Variants in ENO4 observed in about 807,000 individuals in gnomAD.
ENO4 encodes the protein enolase 4, also known as 2-phospho-D-glycerate hydro-lyase.
In ENO4, 53 loss-of-function variants were observed where a neutral mutation model predicts 63.2. The observed-to-expected ratio is 0.84, with a 90% confidence interval of 0.67 to 1.05. ENO4 has a LOEUF of 1.05. Among genes scored for constraint, ENO4 ranks in the 50% least tolerant of loss-of-function variants. The pLI is 0.00. For missense variants in ENO4, 719 were observed against 772.0 expected, an observed-to-expected ratio of 0.93 and a Z score of 0.81; for synonymous variants, 266 against 283.8, an observed-to-expected ratio of 0.94 and a Z score of 0.63.
chr10:116,871,139 C>G lies in ENO4; in HGVS notation c.1062C>G (p.Gly354=). The G allele has an allele frequency of 6.5e-7, 1 of 1,550,386 alleles. No homozygotes were observed. ...TGATCTTGCAGCAGCAGATCACTGG[C>G]AAGATGTCTCATCTTGGCTGTTTAA... ...GSKRGQQQIT[G]KMSHLGCLTI... The change falls in exon 9 of 14, where the codon GGC becomes GGG. Residue 354 remains glycine (G), a synonymous_variant. Coordinates refer to ENST00000341276, the MANE Select transcript of ENO4 (RefSeq NM_001242699.2).
intron 8 of ENO4, among the ~76,000 whole-genome samples, chr10:116,870,484 TAAAAA>T (rs944692794): frequency 6.6e-6 from 1 of 151,292 alleles, no homozygotes; most frequent in African/African-American, 2.4e-5. Flanking sequence ...CTACAAAAAA[TAAAAA>T]AAATAGCCAG....
rs939525785 is a variant in ENO4, at chr10:116,855,682, C to T, written c.225C>T (p.Asp75=). The T allele has an allele frequency of 1.2e-5, 19 of 1,536,288 alleles. No homozygotes were observed. Among genetic ancestry groups the T allele is most frequent in the African/African-American group, 2.7e-5 (2 of 72,974 alleles). ...PPTICKIVGK[D]VLDGLGLPTL... is the part of the protein sequence containing the mutation. ...CCATATGCAAAATAGTGGGGAAAGA[C>T]GTACTAGATGGACTGGGGCTTCCAA... Residue 75 remains aspartate, a synonymous_variant, in exon 2 of 14, where the codon GAC becomes GAT. Coordinates refer to ENST00000341276, the MANE Select transcript of ENO4 (RefSeq NM_001242699.2).
At chr10:116,898,883 A>C (rs1158188587) in intron 10 of ENO4, among the ~76,000 whole-genome samples, 1 of 152,206 alleles carries the variant, frequency 6.6e-6, no homozygotes, top group African/African-American at 2.4e-5. Context: ...ATAAATCAGT[A>C]TATCTTTGAC....
chr10:116,886,056 C>A, downstream of ENO4: 1 of 394,898 alleles, frequency 2.5e-6, no homozygotes, highest in East Asian at 4.5e-5. Flanking sequence ...GTATCAACAT[C>A]TGAATTTTTT....
At chr10:116,871,403 T>C in intron 9 of ENO4, 111 bp downstream of exon 9, 1 of 999,512 alleles carries the variant, frequency 1.0e-6, no homozygotes, top group Non-Finnish European at 1.4e-6. Flanking sequence ...TCTTATTGTT[T>C]TTTTATTAAT....
intron 4 of ENO4, among the ~76,000 whole-genome samples, chr10:116,860,209 G>A (rs975385445): frequency 1.3e-5 from 2 of 152,218 alleles, no homozygotes; most frequent in Admixed American, 6.5e-5. Context: ...ACTCTGTCCG[G>A]ACCTCATGAG....
At chr10:116,868,575 G>C in intron 7 of ENO4, 75 bp from the exon 8 acceptor site, 2 of 1,259,410 alleles carry the variant, frequency 1.6e-6, no homozygotes, top group East Asian at 5.1e-5. Context: ...TCAGGTCTCA[G>C]AGCAGTAAGC....
At chr10:116,875,638 G>C (rs1325624114) in intron 10 of ENO4, among the ~76,000 whole-genome samples, 1 of 151,444 alleles carries the variant, frequency 6.6e-6, no homozygotes, top group Non-Finnish European at 1.5e-5. Flanking sequence ...TCATATGATA[G>C]TCTCACCAAC....
chr10:116,855,424 C>T (rs1227666480), intron 1 of ENO4, among the ~76,000 whole-genome samples, 199 bp from the exon 2 acceptor site: 1 of 152,186 alleles, frequency 6.6e-6, no homozygotes, highest in Non-Finnish European at 1.5e-5. Flanking sequence ...ATCCATATCT[C>T]GGTATGTAAG....
At chr10:116,896,700 A>G (rs1343713444) in intron 10 of ENO4, among the ~76,000 whole-genome samples, 1 of 152,082 alleles carries the variant, frequency 6.6e-6, no homozygotes, top group Non-Finnish European at 1.5e-5. Flanking sequence ...GGACCAGCAG[A>G]GCGGCTCCGA....
At chr10:116,891,119 A>G (rs141231441) in intron 10 of ENO4, among the ~76,000 whole-genome samples, 306 of 152,352 alleles carry the variant, frequency 2.0e-3, no homozygotes, top group South Asian at 9.9e-3. Flanking sequence ...CAAATTCTGC[A>G]TATCACTCAA....
chr10:116,893,541 C>T (rs529466374), intron 10 of ENO4, among the ~76,000 whole-genome samples: 3 of 119,082 alleles, frequency 2.5e-5, no homozygotes, highest in South Asian at 5.4e-4. Context: ...ACAGGGAAGG[C>T]GCCTTCCCTC....
At chr10:116,873,486 A>T (rs1003852582) in intron 9 of ENO4, among the ~76,000 whole-genome samples, 1 of 152,312 alleles carries the variant, frequency 6.6e-6, no homozygotes, top group African/African-American at 2.4e-5. Context: ...CCAGACTTCA[A>T]ATGAATGTTG....
downstream of ENO4, chr10:116,882,820 C>G (rs936426810): frequency 1.3e-5 from 2 of 152,154 alleles, no homozygotes; most frequent in African/African-American, 4.8e-5. Context: ...GTTGGTATCA[C>G]TCTAAGTTGG....
chr10:116,861,221 TAAAAA>T (rs56177931), intron 6 of ENO4, 31 bp downstream of exon 6: 39 of 295,774 alleles, frequency 1.3e-4, no homozygotes, highest in Middle Eastern at 1.3e-3. Flanking sequence ...TTACCTTTTC[TAAAAA>T]AAAAAAAAAA....
At chr10:116,852,220 C>T (rs1299913281) in intron 1 of ENO4, among the ~76,000 whole-genome samples, 1 of 152,208 alleles carries the variant, frequency 6.6e-6, no homozygotes, top group Admixed American at 6.5e-5. Context: ...TTTCCTGAGG[C>T]CTCTGCAGCT....
intron 10 of ENO4, among the ~76,000 whole-genome samples, chr10:116,889,613 C>T (rs2133300344): frequency 6.6e-6 from 1 of 152,270 alleles, no homozygotes; most frequent in African/African-American, 2.4e-5. Flanking sequence ...TGGCCCGAAA[C>T]CACACAGCTC....
chr10:116,912,048 A>G (rs1251098831), downstream of ENO4, among the ~76,000 whole-genome samples: 1 of 152,216 alleles, frequency 6.6e-6, no homozygotes, highest in Non-Finnish European at 1.5e-5. Context: ...AAAAAATAAG[A>G]AGTTATATTC....
At chr10:116,898,236 G>A (rs1847591594) in intron 10 of ENO4, among the ~76,000 whole-genome samples, 1 of 151,882 alleles carries the variant, frequency 6.6e-6, no homozygotes, top group African/African-American at 2.4e-5. Context: ...GCTGAGGCAA[G>A]AGAATCGCTT....
Sources: allele counts gnomAD v4.1 joint callset (sites outside exome capture counted in the v4.1 genomes callset), GRCh38; gene constraint gnomAD v4.1.1; transcripts MANE v1.5; gene names NCBI Gene and HGNC (gene_info 2026-07-23, HGNC 2026-07-21).